The following BICD1 variants were observed in gnomAD, a reference collection of about 807,000 sequenced individuals.
BICD1 encodes the protein BICD cargo adaptor 1, also known as protein bicaudal D homolog 1.
In BICD1, 35 loss-of-function variants were observed where a neutral mutation model predicts 92.5. That is an observed-to-expected ratio of 0.38 (90% CI 0.29 to 0.50). BICD1 has a LOEUF of 0.50. Ranked by LOEUF, BICD1 falls within the 20% of genes least tolerant of loss-of-function variation. The pLI, the probability that BICD1 is intolerant of heterozygous loss-of-function variation, is 0.93. For synonymous variants in BICD1, 429 were observed against 465.1 expected, an observed-to-expected ratio of 0.92 and a Z score of 1.00; for missense variants, 950 against 1,189.8, an observed-to-expected ratio of 0.80 and a Z score of 2.97.
chr12:32,182,284 T>C (rs1213443831), intron 1 of BICD1, among the ~76,000 whole-genome samples: 12 of 131,238 alleles, frequency 9.1e-5, no homozygotes, highest in African/African-American at 3.3e-4. Context: ...CTTTCTTTTT[T>C]TTTTTTTTTT....
chr12:32,111,751 G>A (rs983270009), intron 1 of BICD1, among the ~76,000 whole-genome samples: 8 of 151,884 alleles, frequency 5.3e-5, no homozygotes, highest in Non-Finnish European at 7.4e-5. Context: ...GAGACTACAC[G>A]CATTCACCAC....
At chr12:32,198,292 C>T (rs1944784717) in intron 1 of BICD1, among the ~76,000 whole-genome samples, 1 of 129,808 alleles carries the variant, frequency 7.7e-6, no homozygotes, top group African/African-American at 2.8e-5. Flanking sequence ...TTTAGTAAAT[C>T]TTATGAGGGG....
At chr12:32,375,385 C>T (rs1939913969) in intron 9 of BICD1, among the ~76,000 whole-genome samples, 1 of 152,032 alleles carries the variant, frequency 6.6e-6, no homozygotes, top group South Asian at 2.1e-4. Context: ...AAAAAATTAG[C>T]CGGACGCGGT....
chr12:32,289,871 T>A (rs2728704), intron 2 of BICD1, among the ~76,000 whole-genome samples: 96,798 of 152,100 alleles, frequency 0.64, 31,501 homozygotes, highest in Middle Eastern at 0.78. Flanking sequence ...CATAGAAGCC[T>A]TTGGTAAGGT....
intron 8 of BICD1, among the ~76,000 whole-genome samples, chr12:32,362,513 C>A (rs538024648): frequency 6.6e-6 from 1 of 152,176 alleles, no homozygotes; most frequent in Admixed American, 6.5e-5. Flanking sequence ...ACAATATTAT[C>A]TTCATTCCTG....
At chr12:32,210,474 A>T (rs914303204) in intron 1 of BICD1, among the ~76,000 whole-genome samples, 1 of 152,208 alleles carries the variant, frequency 6.6e-6, no homozygotes. Flanking sequence ...TTAACGTATC[A>T]TCCTGAATAT....
chr12:32,165,578 G>C (rs1477041232), intron 1 of BICD1, among the ~76,000 whole-genome samples: 1 of 151,856 alleles, frequency 6.6e-6, no homozygotes, highest in Non-Finnish European at 1.5e-5. Flanking sequence ...CCAGCTACTC[G>C]GGAGGCTGAG....
At chr12:32,317,316 C>T (rs567091077) in intron 4 of BICD1, among the ~76,000 whole-genome samples, 1 of 152,286 alleles carries the variant, frequency 6.6e-6, no homozygotes, top group East Asian at 1.9e-4. Context: ...AGTTTACAGT[C>T]CTACCAACAG....
At position 32,117,430 on chromosome 12, in the gene BICD1, G is replaced by A. The variant is rs544059874; in HGVS notation, c.213+9886G>A. On this transcript the variant is annotated intron_variant, in intron 1 of 9. Transcript: ENST00000652176. ...CACTATTTGATGACTGTAAACATTT[G>A]GAATGTTTTCACAGTGTCTCAAAAC... Among the ~76,000 whole-genome samples the A allele has an allele frequency of 1.1e-4, 17 of 152,154 alleles. No individual in the cohort carries two copies. The South Asian group carries it at 3.5e-3, about 32-fold the overall frequency.
rs558442197 is a variant in BICD1, at chr12:32,164,930, C to T, written c.214-51317C>T. On this transcript the variant is annotated intron_variant, in intron 1 of 9. Transcript: ENST00000652176. ...GCTCCCTGACAACTGCGCATCCTGA[C>T]AGCACGGGTGAAGTGGCTCATCTGG... Among the ~76,000 whole-genome samples, 4 of 152,304 alleles carry T rather than the reference C, an allele frequency of 2.6e-5. No homozygotes were observed. The South Asian group carries it at 8.3e-4, about 32-fold the overall frequency.
intron 3 of BICD1, among the ~76,000 whole-genome samples, chr12:32,297,504 T>C (rs1385938994): frequency 4.0e-5 from 6 of 149,992 alleles, no homozygotes; most frequent in South Asian, 4.3e-4. Context: ...CCCTAATTAA[T>C]GAAGTGTTAA....
chr12:32,214,076 T>A (rs1238983030), intron 1 of BICD1, among the ~76,000 whole-genome samples: 1 of 152,224 alleles, frequency 6.6e-6, no homozygotes, highest in Non-Finnish European at 1.5e-5. Context: ...ATATAATTAG[T>A]TACTATAATT....
intron 1 of BICD1, among the ~76,000 whole-genome samples, chr12:32,153,070 C>T (rs1592382845): frequency 6.6e-6 from 1 of 152,278 alleles, no homozygotes; most frequent in Middle Eastern, 3.4e-3. Flanking sequence ...TCTCCTCTCT[C>T]CCTCTCACCT....
intron 2 of BICD1, among the ~76,000 whole-genome samples, chr12:32,270,644 T>G (rs1046022228): frequency 6.6e-6 from 1 of 152,216 alleles, no homozygotes; most frequent in Non-Finnish European, 1.5e-5. Context: ...TAAGATTTTT[T>G]AAAAAGTGAA....
intron 5 of BICD1, among the ~76,000 whole-genome samples, chr12:32,331,530 G>T (rs1937871508): frequency 6.6e-6 from 1 of 152,086 alleles, no homozygotes; most frequent in Non-Finnish European, 1.5e-5. Context: ...GTTATCTTGG[G>T]GATGGGATCC....
chr12:32,174,813 G>T (rs80054772), intron 1 of BICD1, among the ~76,000 whole-genome samples: 17,477 of 151,666 alleles, frequency 0.12, 1,215 homozygotes, highest in Middle Eastern at 0.22. Context: ...TTTTTAAATC[G>T]CTTAAATCAT....
At chr12:32,334,775 A>T (rs1388333357) in intron 6 of BICD1, 108 bp downstream of exon 6, 1 of 1,254,428 alleles carries the variant, frequency 8.0e-7, no homozygotes, top group Non-Finnish European at 1.1e-6. Flanking sequence ...GTAGTCTAGG[A>T]TGGCTAAGTG....
At chr12:32,122,394 C>T (rs975223490) in intron 1 of BICD1, among the ~76,000 whole-genome samples, 6 of 151,224 alleles carry the variant, frequency 4.0e-5, no homozygotes, top group African/African-American at 1.5e-4. Context: ...GAGGCTGAGG[C>T]AGGAGAATGG....
intron 1 of BICD1, among the ~76,000 whole-genome samples, chr12:32,117,180 GAA>G (rs1941946237): frequency 6.6e-6 from 1 of 152,170 alleles, no homozygotes; most frequent in Admixed American, 6.5e-5. Flanking sequence ...CCAAAAGGGA[GAA>G]GCTAGTGAGC....
Sources: gnomAD v4.1 joint callset for allele counts (sites outside exome capture counted in the v4.1 genomes callset) on GRCh38, gnomAD v4.1.1 for gene constraint, MANE v1.5 for transcripts, NCBI Gene and HGNC (gene_info 2026-07-23, HGNC 2026-07-21) for gene names.